The following TMEM259 variants were observed in gnomAD, a reference collection of about 807,000 sequenced individuals.
TMEM259 encodes the protein membralin.
Under a neutral mutation model 46.7 loss-of-function variants are expected in TMEM259, and 26 were observed. That is an observed-to-expected ratio of 0.56 (90% confidence interval 0.41 to 0.77). The LOEUF (loss-of-function observed/expected upper bound fraction) is 0.77. Ranked by LOEUF, TMEM259 falls within the 30% of genes least tolerant of loss-of-function variation. The pLI is 0.00. For missense variants in TMEM259, 930 were observed against 900.5 expected (o/e 1.03, Z -0.42); for synonymous variants, 494 against 395.1 (o/e 1.25, Z -2.97).
intron 10 of TMEM259, 77 bp downstream of exon 10, chr19:1,011,019 G>A: frequency 6.5e-7 from 1 of 1,547,290 alleles, no homozygotes; most frequent in South Asian, 1.2e-5. Flanking sequence ...ACCCCACAGG[G>A]CATCCTCCCC....
In TMEM259 at chr19:1,020,685, G is replaced by A. The variant is rs1269195103; in HGVS notation, c.225+87C>T. On this transcript the variant is annotated intron_variant, in intron 1 of 10. Coordinates refer to ENST00000356663, the MANE Select transcript of TMEM259 (RefSeq NM_001033026.2). The surrounding 1 kb of genome is among the most constrained non-coding windows in gnomAD (Gnocchi z 4.0). Reference sequence around the variant, plus strand: ...CAGGGTGGCGCTCGCTGTCCCCAGCGGGGCCAGGGGTCGCGGTCGGAGGTA... The same window carrying A: ...CAGGGTGGCGCTCGCTGTCCCCAGCAGGGCCAGGGGTCGCGGTCGGAGGTA... 1.5e-5 allele frequency: 15 copies of A among 1,010,338 alleles called. No individual in the cohort carries two copies. The highest frequency in any genetic ancestry group is 1.8e-5 in the Non-Finnish European group (14 of 773,756). 62.6% of individuals were successfully genotyped at this position (1,010,338 alleles called of 1,614,324 possible). A position where few individuals can be genotyped will look rare whatever the true frequency, so the allele number is the denominator to read the frequency against.
In TMEM259 at chr19:1,009,906, G is replaced by A. The variant is rs1418348608; in HGVS notation, c.*444C>T. 3.1e-5 allele frequency: 11 copies of A among 353,436 alleles called. No individual in the cohort carries two copies. Among genetic ancestry groups the A allele is most frequent in the Non-Finnish European group, 5.1e-5 (10 of 195,786 alleles). The allele number at this position is 353,436 out of a possible 1,614,324, so 21.9% of individuals were successfully genotyped here. A position where few individuals can be genotyped will look rare whatever the true frequency, so the allele number is the denominator to read the frequency against. ...CCAAGCCTGGCGCACACGCGGGGAG[G>A]GCGGGGCCATGGAGAAGGCACTGCA... is the stretch of plus-strand genomic sequence containing the variant. On this transcript the variant is annotated 3_prime_UTR_variant, in exon 11 of 11. Transcript: ENST00000356663.
At position 1,010,610 on chromosome 19, in the gene TMEM259, C is replaced by T. The variant is rs751530483; in HGVS notation, c.1603G>A (p.Gly535Ser). The change falls in exon 11 of 11, where the codon GGT (glycine) becomes AGT (serine). Residue 535 changes from glycine to serine, a missense_variant. Physicochemically the swap from Gly to Ser is moderately conservative, Grantham distance 56. Coordinates refer to ENST00000356663, the MANE Select transcript of TMEM259 (RefSeq NM_001033026.2). ...AAAASVAAAA[G>S]GDLGWMAETA... ...TCTGCCATCCAACCCAGGTCACCAC[C>T]GGCAGCTGCTGCCACTGAGGCTGCC... The T allele has an allele frequency of 7.1e-6, 11 of 1,550,058 alleles. No individual in the cohort carries two copies. Among genetic ancestry groups the T allele is most frequent in the East Asian group, 2.4e-5 (1 of 41,264 alleles).
intron 1 of TMEM259, among the ~76,000 whole-genome samples, chr19:1,016,336 C>T (rs1046901894): frequency 6.6e-6 from 1 of 152,224 alleles, no homozygotes; most frequent in African/African-American, 2.4e-5. Context: ...CCCCATATGG[C>T]ATCTGGGGAC....
intron 2 of TMEM259, chr19:1,013,611 G>A (rs1042364754): frequency 4.8e-6 from 2 of 415,066 alleles, no homozygotes. Context: ...CCCATGGAAG[G>A]GTCCATGATG....
Position 1,009,862 on chromosome 19 carries a change from C to A in TMEM259, c.*488G>T, listed in dbSNP as rs1306040371. On this transcript the variant is annotated 3_prime_UTR_variant, in exon 11 of 11. Transcript: ENST00000356663. ...CACGTCCCTATGCCCGAGGCGCAAG[C>A]TCTGCTCTCCCGGGGACCCCAAGCC... 7.4e-6 allele frequency: 3 copies of A among 403,592 alleles called. No homozygotes were observed. Among genetic ancestry groups the A allele is most frequent in the Non-Finnish European group, 1.3e-5 (3 of 228,100 alleles). The allele number at this position is 403,592 out of a possible 1,614,324, so 25.0% of individuals were successfully genotyped here.
intron 6 of TMEM259, 24 bp from the exon 7 acceptor site, chr19:1,011,822 C>T (rs2038937152): frequency 6.3e-7 from 1 of 1,588,886 alleles, no homozygotes; most frequent in Non-Finnish European, 8.6e-7. Context: ...GCAGGAAGCG[C>T]TATGAGGGGC....
chr19:1,014,347 T>G lies in TMEM259; in HGVS notation c.352A>C (p.Asn118His), dbSNP rs2039038162. The G allele has an allele frequency of 6.2e-7, 1 of 1,612,982 alleles. No individual in the cohort carries two copies. Among genetic ancestry groups the G allele is most frequent in the Non-Finnish European group, 8.5e-7 (1 of 1,179,918 alleles). Residue 118 changes from asparagine (N) to histidine (H), a missense_variant, in exon 2 of 11, where the codon AAC becomes CAC. Asn to His is a moderately conservative substitution (Grantham distance 68). Transcript: ENST00000356663. The stretch of plus-strand genomic sequence containing the variant: ...AGGAAGACGGGCGCGCGGCTCGAGT[T>G]GTGCCGCACTTCCACACGCAGGATG... Reference protein sequence around the residue: ...EGILRVEVRHNSSRAPVFLQF... With the variant: ...EGILRVEVRHHSSRAPVFLQF...
intron 1 of TMEM259, among the ~76,000 whole-genome samples, chr19:1,015,139 C>T (rs994382340): frequency 6.6e-6 from 1 of 152,254 alleles, no homozygotes; most frequent in Non-Finnish European, 1.5e-5. Flanking sequence ...CCAGGCCTGG[C>T]GGGGCCAGCC....
At position 1,012,198 on chromosome 19, in the gene TMEM259, G is replaced by A. The variant is rs1285073429; in HGVS notation, c.719-10C>T. The A allele has an allele frequency of 6.3e-7, 1 of 1,593,304 alleles. No homozygotes were observed. The highest frequency in any genetic ancestry group is 8.5e-7 in the Non-Finnish European group (1 of 1,171,118). On this transcript the variant is annotated splice_polypyrimidine_tract_variant and intron_variant, in intron 4 of 10. Coordinates refer to ENST00000356663, the MANE Select transcript of TMEM259 (RefSeq NM_001033026.2). ...TGGTCCCGCGTGGGGTCTGCGGGTG[G>A]GTGAATCAGGGAGCCGGGAGCCCCG...
chr19:1,012,037 C>T (rs370964094), intron 5 of TMEM259, 29 bp downstream of exon 5: 29 of 1,611,736 alleles, frequency 1.8e-5, no homozygotes, highest in East Asian at 6.7e-5. Context: ...CCCGCGCCCT[C>T]GCACCCTCGG....
At position 1,011,888 on chromosome 19, in the gene TMEM259, T is replaced by C. The variant is rs2038942949; in HGVS notation, c.942+4A>G. 12 of 1,555,338 alleles carry C rather than the reference T, an allele frequency of 7.7e-6. No homozygotes were observed. Among genetic ancestry groups the C allele is most frequent in the Non-Finnish European group, 1.1e-5 (12 of 1,141,274 alleles). On this transcript the variant is annotated splice_donor_region_variant and intron_variant, in intron 6 of 10. Transcript: ENST00000356663. ...AGCCCCCGCACCCGCCCCGAGGCAC[T>C]CACGAAGATGACCATGATGGCGAAG...
intron 10 of TMEM259, 90 bp from the exon 11 acceptor site, chr19:1,010,985 C>T (rs972976620): frequency 2.7e-5 from 42 of 1,546,818 alleles, no homozygotes; most frequent in South Asian, 1.9e-4. Flanking sequence ...GGACCATCCA[C>T]GCTACCTCTG....
rs763454305 is a variant in TMEM259, at chr19:1,013,246, G to T, written c.602C>A (p.Thr201Asn). ...SQEFPFPETPTKVWPQDEYIV... is the reference protein window; with the variant it reads ...SQEFPFPETPNKVWPQDEYIV... ...ACCTTTGGTGGGTGGCCTACCTTTG[G>T]TGGGCGTCTCGGGGAAGGGGAACTC... is the stretch of plus-strand genomic sequence containing the variant. The change falls in exon 3 of 11, where the codon ACC becomes AAC. Residue 201 changes from threonine to asparagine, a missense_variant. Coordinates refer to ENST00000356663, the MANE Select transcript of TMEM259 (RefSeq NM_001033026.2). The T allele has an allele frequency of 6.2e-7, 1 of 1,613,684 alleles. No individual in the cohort carries two copies. Among genetic ancestry groups the T allele is most frequent in the South Asian group, 1.1e-5 (1 of 91,080 alleles).
Position 1,012,045 on chromosome 19 carries a change from C to T in TMEM259, c.841+21G>A, listed in dbSNP as rs765491287. 2.7e-5 allele frequency: 44 copies of T among 1,611,778 alleles called. No individual in the cohort carries two copies. The Middle Eastern group carries it at 4.9e-4, about 18-fold the overall frequency. On this transcript the variant is annotated intron_variant, in intron 5 of 10. Transcript: ENST00000356663. ...GCCCCCACCCGCGCCCTCGCACCCT[C>T]GGCCCCGGGGCATGCCTCACCCTTG... is the stretch of plus-strand genomic sequence containing the variant.
rs2039000837 is a variant in TMEM259, at chr19:1,013,307, G to C, written c.541C>G (p.Pro181Ala). Residue 181 changes from proline to alanine, a missense_variant, in exon 3 of 11, where the codon CCG (proline) becomes GCG (alanine). Physicochemically the swap from Pro to Ala is conservative, Grantham distance 27. Transcript: ENST00000356663. Reference sequence around the variant, plus strand: ...TTCAGGGCCTCTGTGCTACTCGGCGGCTTGAACACCTTGGGCTCGATGTCC... The same window carrying C: ...TTCAGGGCCTCTGTGCTACTCGGCGCCTTGAACACCTTGGGCTCGATGTCC... Reference protein sequence around the residue: ...ELDIEPKVFKPPSSTEALNDS... With the variant: ...ELDIEPKVFKAPSSTEALNDS... The C allele has an allele frequency of 3.1e-6, 5 of 1,613,650 alleles. No individual in the cohort carries two copies. The highest frequency in any genetic ancestry group is 2.7e-5 in the African/African-American group (2 of 74,930).
rs765307950 is a variant in TMEM259 at position 1,011,215 on chromosome 19, C to T, written c.1218-20G>A. 18 of 1,569,196 alleles carry T rather than the reference C, an allele frequency of 1.1e-5. No individual in the cohort carries two copies. Among genetic ancestry groups the T allele is most frequent in the African/African-American group, 8.2e-5 (6 of 73,082 alleles). ...AAGAACCTGCGGGGCGGGGTGAGGG[C>T]GTCGGGGCTGCAGGTCCCACCCTGC... On this transcript the variant is annotated intron_variant, in intron 9 of 10. Coordinates refer to ENST00000356663, the MANE Select transcript of TMEM259 (RefSeq NM_001033026.2).
At chr19:1,010,935 T>G in intron 10 of TMEM259, 40 bp from the exon 11 acceptor site, 11 of 1,501,690 alleles carry the variant, frequency 7.3e-6, no homozygotes, top group Non-Finnish European at 9.0e-6. Flanking sequence ...GGCCCGCCCC[T>G]GCCCCACCCA....
Position 1,011,353 on chromosome 19 carries a change from C to T in TMEM259, c.1217+14G>A, listed in dbSNP as rs761263380. On this transcript the variant is annotated intron_variant, in intron 9 of 10. Transcript: ENST00000356663. The stretch of plus-strand genomic sequence containing the variant: ...ACCAGCACCCACTCCACCCTGCCCC[C>T]GCGCCACGCTCACCGCAGCCAATGC... The T allele has an allele frequency of 7.3e-5, 114 of 1,568,206 alleles. No homozygotes were observed. The highest frequency in any genetic ancestry group is 9.3e-5 in the South Asian group (8 of 86,126).
Sources: allele counts gnomAD v4.1 joint callset (sites outside exome capture counted in the v4.1 genomes callset), GRCh38; gene constraint gnomAD v4.1.1; non-coding constraint Gnocchi (gnomAD v3.1); transcripts MANE v1.5; gene names NCBI Gene and HGNC (gene_info 2026-07-23, HGNC 2026-07-21).